The following HSD17B4 variants were observed in gnomAD, a reference collection of about 807,000 sequenced individuals.
HSD17B4 encodes peroxisomal multifunctional enzyme type 2.
Under a neutral mutation model 101.0 loss-of-function variants are expected in HSD17B4, and 70 were observed. The observed-to-expected ratio is 0.69, with a 90% confidence interval of 0.57 to 0.85. The LOEUF is 0.85. Ranked by LOEUF, HSD17B4 falls within the 40% of genes least tolerant of loss-of-function variation. HSD17B4 has a pLI of 0.00. For synonymous variants in HSD17B4, 347 were observed against 297.1 expected, an observed-to-expected ratio of 1.17 and a Z score of -1.73; for missense variants, 984 against 892.4, an observed-to-expected ratio of 1.10 and a Z score of -1.31.
intron 1 of HSD17B4, among the ~76,000 whole-genome samples, chr5:119,454,309 T>TG (rs1754374456): frequency 6.7e-6 from 1 of 150,340 alleles, no homozygotes; most frequent in African/African-American, 2.4e-5. Flanking sequence ...TTGATTAAAT[T>TG]TTTTTTTTTT....
rs746940622 is a variant in HSD17B4 at position 119,477,438 on chromosome 5, T to G, written c.371T>G (p.Leu124Trp). 6.2e-7 allele frequency: 1 copy of G among 1,611,560 alleles called. No homozygotes were observed. Among genetic ancestry groups the G allele is most frequent in the Non-Finnish European group, 8.5e-7 (1 of 1,177,758 alleles). ...EDWDIIHRVH[L>W]RGSFQVTRAA... ...TTAGATATAATCCACAGAGTTCATTTGCGGGGTTCATTCCAAGTGACACGG... is the reference window on the plus strand; with the variant it reads ...TTAGATATAATCCACAGAGTTCATTGGCGGGGTTCATTCCAAGTGACACGG... Residue 124 changes from leucine to tryptophan, a missense_variant, in exon 7 of 24, where the codon TTG (leucine) becomes TGG (tryptophan). Leu to Trp is a moderately conservative substitution (Grantham distance 61, BLOSUM62 -2). Coordinates refer to ENST00000510025, the MANE Select transcript of HSD17B4 (RefSeq NM_000414.4).
intron 22 of HSD17B4, among the ~76,000 whole-genome samples, chr5:119,534,554 A>G (rs1247591620): frequency 6.6e-6 from 1 of 151,714 alleles, no homozygotes; most frequent in Non-Finnish European, 1.5e-5. Flanking sequence ...GATCATTAAA[A>G]CCTCTGAGCT....
chr5:119,517,748 C>A (rs1391871142), intron 17 of HSD17B4, among the ~76,000 whole-genome samples: 2 of 151,806 alleles, frequency 1.3e-5, no homozygotes, highest in Non-Finnish European at 2.9e-5. Context: ...CTTGGACAAC[C>A]TTTATGTCTA....
intron 16 of HSD17B4, among the ~76,000 whole-genome samples, chr5:119,511,869 G>A (rs59119324): frequency 0.11 from 15,460 of 145,858 alleles, 1,050 homozygotes; most frequent in African/African-American, 0.22. Context: ...GGAAGAAACA[G>A]GAGAGTGTGA....
chr5:119,465,350 C>G (rs1256754350), intron 2 of HSD17B4, among the ~76,000 whole-genome samples: 1 of 152,134 alleles, frequency 6.6e-6, no homozygotes, highest in Non-Finnish European at 1.5e-5. Flanking sequence ...TAACACCAAC[C>G]CATTGGTGAT....
chr5:119,502,551 A>C lies in HSD17B4; in HGVS notation c.1261+459A>C, dbSNP rs547867953. Among the ~76,000 whole-genome samples, 5 of 151,176 alleles carry C rather than the reference A, an allele frequency of 3.3e-5. No homozygotes were observed. The East Asian group carries it at 9.7e-4, about 29-fold the overall frequency. Reference sequence around the variant, plus strand: ...AAACAAGTCTTTAATAATCATTTTTACTTTTCTCAAAAATATCTTACTTGT... The same window carrying C: ...AAACAAGTCTTTAATAATCATTTTTCCTTTTCTCAAAAATATCTTACTTGT... On this transcript the variant is annotated intron_variant, in intron 14 of 23. Coordinates refer to ENST00000510025, the MANE Select transcript of HSD17B4 (RefSeq NM_000414.4).
chr5:119,481,588 G>A (rs1414107374), intron 8 of HSD17B4, among the ~76,000 whole-genome samples: 4 of 152,152 alleles, frequency 2.6e-5, no homozygotes, highest in Non-Finnish European at 5.9e-5. Context: ...CTATGCTGTA[G>A]TTTATTAGAT....
Position 119,499,434 on chromosome 5 carries a change from A to G in HSD17B4, c.1090A>G (p.Ile364Val), listed in dbSNP as rs757346346. The change falls in exon 13 of 24, where the codon ATT becomes GTT. Residue 364 changes from isoleucine (I) to valine (V), a missense_variant. By Grantham distance (29) the Ile-to-Val change is conservative (BLOSUM62 3). Coordinates refer to ENST00000510025, the MANE Select transcript of HSD17B4 (RefSeq NM_000414.4). The stretch of plus-strand genomic sequence containing the variant: ...CAAGGATCCAAAAGATTTGAAATTT[A>G]TTTATGAAGGAAGTTCTGATTTCTC... Reference protein sequence around the residue: ...SIKDPKDLKFIYEGSSDFSCL... With the variant: ...SIKDPKDLKFVYEGSSDFSCL... The G allele has an allele frequency of 3.9e-5, 63 of 1,613,608 alleles. No individual in the cohort carries two copies. The highest frequency in any genetic ancestry group is 5.1e-5 in the Non-Finnish European group (60 of 1,179,666).
chr5:119,461,967 A>T (rs1176571784), intron 2 of HSD17B4, among the ~76,000 whole-genome samples: 2 of 152,190 alleles, frequency 1.3e-5, no homozygotes, highest in African/African-American at 4.8e-5. Flanking sequence ...CTTTTTAGGA[A>T]AAATCTTCTG....
At position 119,499,414 on chromosome 5, in the gene HSD17B4, A is replaced by T. The variant is rs147324213; in HGVS notation, c.1070A>T (p.Asp357Val). 27 of 1,613,576 alleles carry T rather than the reference A, an allele frequency of 1.7e-5. No individual in the cohort carries two copies. In the African/African-American group the frequency reaches 3.2e-4, roughly 19 times the overall value. ...CTTGGAGTGGGAGCGTCAATCAAGG[A>T]TCCAAAAGATTTGAAATTTATTTAT... ...YALGVGASIK[D>V]PKDLKFIYEG... Residue 357 changes from aspartate (D) to valine (V), a missense_variant, in exon 13 of 24, where the codon GAT becomes GTT. Coordinates refer to ENST00000510025, the MANE Select transcript of HSD17B4 (RefSeq NM_000414.4).
chr5:119,540,263 A>G (rs1402203134), intron 23 of HSD17B4, among the ~76,000 whole-genome samples: 1 of 152,188 alleles, frequency 6.6e-6, no homozygotes, highest in Non-Finnish European at 1.5e-5. Flanking sequence ...TTCAACCAGT[A>G]TGACTGTATT....
chr5:119,463,205 A>G (rs2126640506), intron 2 of HSD17B4, among the ~76,000 whole-genome samples: 2 of 152,300 alleles, frequency 1.3e-5, no homozygotes, highest in Middle Eastern at 6.8e-3. Flanking sequence ...TAATGGCCAA[A>G]TAGTATTCCA....
At chr5:119,515,168 C>T in intron 17 of HSD17B4, 122 bp downstream of exon 17, 1 of 670,964 alleles carries the variant, frequency 1.5e-6, no homozygotes, top group Non-Finnish European at 2.7e-6. Context: ...TATTATTCAA[C>T]ATAATAAACA....
chr5:119,489,023 C>T (rs573667302), intron 8 of HSD17B4, among the ~76,000 whole-genome samples, 169 bp from the exon 9 acceptor site: 64 of 152,098 alleles, frequency 4.2e-4, no homozygotes, highest in Non-Finnish European at 7.4e-4. Context: ...AGAAATGGCT[C>T]AGTTGAGATT....
intron 22 of HSD17B4, 84 bp downstream of exon 22, chr5:119,531,488 G>A: frequency 7.3e-7 from 1 of 1,369,880 alleles, no homozygotes; most frequent in Non-Finnish European, 1.0e-6. Context: ...GACCTTTGAA[G>A]GTAGGTAAAT....
At chr5:119,464,600 TTTC>T (rs2126646142) in intron 2 of HSD17B4, 1 of 152,308 alleles carries the variant, frequency 6.6e-6, no homozygotes, top group East Asian at 1.9e-4. Flanking sequence ...AGCTTTTTTT[TTTC>T]TTCTTTTGAG....
chr5:119,455,311 G>A (rs1754502886), intron 1 of HSD17B4, among the ~76,000 whole-genome samples: 1 of 152,174 alleles, frequency 6.6e-6, no homozygotes, highest in Admixed American at 6.5e-5. Context: ...GAGGTCAAGA[G>A]ATCGAGACCA....
At chr5:119,533,829 T>A (rs1379518409) in intron 22 of HSD17B4, among the ~76,000 whole-genome samples, 3 of 152,122 alleles carry the variant, frequency 2.0e-5, no homozygotes, top group African/African-American at 7.2e-5. Context: ...AAAATCTTTG[T>A]TGGTCCTGCT....
intron 17 of HSD17B4, 88 bp downstream of exon 17, chr5:119,515,134 TC>T: frequency 3.8e-6 from 3 of 784,840 alleles, no homozygotes; most frequent in Non-Finnish European, 7.0e-6. Flanking sequence ...ACATTATGCA[TC>T]TAATGCATAA....
Sources: gnomAD v4.1 joint callset for allele counts (sites outside exome capture counted in the v4.1 genomes callset) on GRCh38, gnomAD v4.1.1 for gene constraint, MANE v1.5 for transcripts, NCBI Gene and HGNC (gene_info 2026-07-23, HGNC 2026-07-21) for gene names.